The following NTRK2 variants were observed in gnomAD, a reference collection of about 807,000 sequenced individuals.
The protein encoded by NTRK2 is neurotrophic receptor tyrosine kinase 2.
A neutral mutation model predicts 94.5 loss-of-function variants in NTRK2; 13 were observed. The ratio of observed to expected loss-of-function variants is 0.14; its 90% confidence interval spans 0.09 to 0.22. The LOEUF is 0.22. NTRK2 is among the 10% of genes least tolerant of loss of function. NTRK2 has a pLI of 1.00. For missense variants in NTRK2, 639 were observed against 1,071.2 expected (o/e 0.60, Z 5.63); for synonymous variants, 372 against 407.4 (o/e 0.91, Z 1.05).
intron 12 of NTRK2, among the ~76,000 whole-genome samples, chr9:84,840,412 C>T (rs181052928): frequency 7.2e-4 from 110 of 152,076 alleles, no homozygotes; most frequent in African/African-American, 2.6e-3. Context: ...ACAAGCCTCC[C>T]CAGACCATAT....
At chr9:84,818,075 C>A (rs1395231461) in intron 12 of NTRK2, among the ~76,000 whole-genome samples, 1 of 152,160 alleles carries the variant, frequency 6.6e-6, no homozygotes, top group East Asian at 1.9e-4. Context: ...GTATTGACTT[C>A]AAACTTAAGT....
chr9:84,778,976 G>T (rs2067308508), intron 12 of NTRK2, among the ~76,000 whole-genome samples: 1 of 152,152 alleles, frequency 6.6e-6, no homozygotes. Flanking sequence ...TAACAGGCTG[G>T]TCTTTTCTTC....
chr9:84,705,782 CTTTTTTTTTTTT>C (rs36124860), intron 4 of NTRK2, among the ~76,000 whole-genome samples: 2 of 109,620 alleles, frequency 1.8e-5, no homozygotes, highest in African/African-American at 7.0e-5. Flanking sequence ...GAAACCCATT[CTTTTTTTTTTTT>C]TTTTTTTTTT....
chr9:84,838,216 CA>C lies in NTRK2; in HGVS notation c.1397-22823del, dbSNP rs2073983581. Among the ~76,000 whole-genome samples, 5 of 151,952 alleles carry C rather than the reference CA, an allele frequency of 3.3e-5. No homozygotes were observed. The South Asian group carries it at 1.0e-3, about 32-fold the overall frequency. ...AGGAAAACAACAACAGCAGCAGGAACAGCTATAGTACATCCAGAAGAAAATA... is the reference window on the plus strand; with the variant it reads ...AGGAAAACAACAACAGCAGCAGGAACGCTATAGTACATCCAGAAGAAAATA... On this transcript the variant is annotated intron_variant, in intron 12 of 18. Transcript: ENST00000277120.
At chr9:84,926,447 G>A (rs1174558708) in intron 14 of NTRK2, among the ~76,000 whole-genome samples, 4 of 151,872 alleles carry the variant, frequency 2.6e-5, no homozygotes, top group Non-Finnish European at 4.4e-5. Context: ...GGTCAGGCTG[G>A]TCTTGAACTC....
intron 12 of NTRK2, chr9:84,814,913 T>C: frequency 5.7e-6 from 6 of 1,060,294 alleles, no homozygotes; most frequent in Non-Finnish European, 6.8e-6. Context: ...CTATTAAGTG[T>C]GTTCTGCTAT....
At chr9:84,720,884 A>G (rs1422907306) in intron 6 of NTRK2, among the ~76,000 whole-genome samples, 1 of 152,212 alleles carries the variant, frequency 6.6e-6, no homozygotes, top group Non-Finnish European at 1.5e-5. Context: ...TTAAAGGTTA[A>G]TCTAAAAAAA....
chr9:85,004,083 G>A (rs13440095), intron 17 of NTRK2, among the ~76,000 whole-genome samples: 22,290 of 118,270 alleles, frequency 0.19, 3,085 homozygotes, highest in African/African-American at 0.34. Flanking sequence ...AGAGGAAGAG[G>A]GAGAGAGAAA....
intron 17 of NTRK2, among the ~76,000 whole-genome samples, chr9:84,960,722 T>G (rs1013192446): frequency 6.6e-6 from 1 of 152,196 alleles, no homozygotes; most frequent in Non-Finnish European, 1.5e-5. Context: ...AATATGTGAT[T>G]TTTCTATACT....
intron 14 of NTRK2, among the ~76,000 whole-genome samples, chr9:84,894,661 A>C (rs2076706460): frequency 6.6e-6 from 1 of 152,244 alleles, no homozygotes; most frequent in Admixed American, 6.5e-5. Context: ...GTTTGCCTAC[A>C]AAAATCTTAC....
intron 14 of NTRK2, among the ~76,000 whole-genome samples, chr9:84,889,493 A>C (rs1200746024): frequency 6.6e-6 from 1 of 151,980 alleles, no homozygotes; most frequent in East Asian, 1.9e-4. Context: ...GCTCTCTGCA[A>C]CCTCCACATC....
At chr9:84,723,519 G>A (rs554172946) in intron 6 of NTRK2, 54 bp from the exon 7 acceptor site, 2 of 1,598,058 alleles carry the variant, frequency 1.3e-6, no homozygotes, top group East Asian at 2.2e-5. Flanking sequence ...CTTTTATTTT[G>A]ATACTGCATT....
Position 84,670,839 on chromosome 9 carries a change from G to A in NTRK2, c.91G>A (p.Ala31Thr), listed in dbSNP as rs370304899. 2.5e-6 allele frequency: 4 copies of A among 1,613,926 alleles called. No individual in the cohort carries two copies. Among genetic ancestry groups the A allele is most frequent in the Non-Finnish European group, 3.4e-6 (4 of 1,180,034 alleles). The part of the protein sequence containing the change: ...LVVGFWRAAF[A>T]CPTSCKCSAS... ...TGTGGGCTTCTGGAGGGCCGCTTTC[G>A]CCTGTCCCACGTCCTGCAAATGCAG... Residue 31 changes from alanine to threonine, a missense_variant, in exon 2 of 19, where the codon GCC becomes ACC. Physicochemically the swap from Ala to Thr is moderately conservative, Grantham distance 58. Around this residue, in one of 5 missense-constraint regions of NTRK2, gnomAD observed 206 missense variants for 251.5 expected, o/e 0.82. Transcript: ENST00000277120.
At chr9:84,900,630 C>T (rs1026441936) in intron 14 of NTRK2, among the ~76,000 whole-genome samples, 63 of 152,096 alleles carry the variant, frequency 4.1e-4, no homozygotes, top group African/African-American at 1.5e-3. Flanking sequence ...CAGAGGCACG[C>T]CTTGTAAAAA....
rs201902834 is a variant in NTRK2, at chr9:85,021,294, C to T, written c.2374C>T (p.Arg792Cys). ...ITQGRVLQRP[R>C]TCPQEVYELM... ...TCAGGGCCGAGTCCTGCAGCGACCC[C>T]GCACGTGCCCCCAGGAGGTGTATGA... Residue 792 changes from arginine to cysteine, a missense_variant, in exon 19 of 19, where the codon CGC becomes TGC. Physicochemically the swap from Arg to Cys is radical, Grantham distance 180. This residue lies in a region of NTRK2 where 77 missense variants were observed against 203.6 expected (regional missense o/e 0.38). Transcript: ENST00000277120. The T allele has an allele frequency of 1.6e-5, 26 of 1,613,974 alleles. No individual in the cohort carries two copies. The highest frequency in any genetic ancestry group is 2.2e-5 in the East Asian group (1 of 44,874).
At chr9:84,733,791 A>G (rs1324308131) in intron 9 of NTRK2, among the ~76,000 whole-genome samples, 2 of 152,220 alleles carry the variant, frequency 1.3e-5, no homozygotes, top group Non-Finnish European at 2.9e-5. Context: ...GAGGACAAAG[A>G]CACCTCTTTA....
Position 85,026,105 on chromosome 9 carries a change from A to C in NTRK2, c.*4668A>C. The C allele has an allele frequency of 5.1e-6, 1 of 194,206 alleles. No individual in the cohort carries two copies. The highest frequency in any genetic ancestry group is 7.9e-5 in the Admixed American group (1 of 12,654). The allele number at this position is 194,206 out of a possible 1,614,324, so 12.0% of individuals were successfully genotyped here. On this transcript the variant is annotated 3_prime_UTR_variant, in exon 19 of 19. Coordinates refer to ENST00000277120, the MANE Select transcript of NTRK2 (RefSeq NM_006180.6). Reference sequence around the variant, plus strand: ...TTATTTATTTATATACTTTTGCTCCATTCAGCACAAACACAAAGCAAAGCA... The same window carrying C: ...TTATTTATTTATATACTTTTGCTCCCTTCAGCACAAACACAAAGCAAAGCA...
In NTRK2 at chr9:84,801,246, G is replaced by T. The variant is rs189007659; in HGVS notation, c.1396+49161G>T. On this transcript the variant is annotated intron_variant, in intron 12 of 18. Coordinates refer to ENST00000277120, the MANE Select transcript of NTRK2 (RefSeq NM_006180.6). The stretch of plus-strand genomic sequence containing the variant: ...ACATAGCTCAGGAGGGAAAGGGATA[G>T]GATCCAAACGGGTGTTTCTGGTTGT... Among the ~76,000 whole-genome samples the T allele has an allele frequency of 5.8e-3, 880 of 152,318 alleles. 6 individuals are homozygous for T. Among genetic ancestry groups the T allele is most frequent in the Non-Finnish European group, 9.6e-3 (651 of 68,026 alleles).
intron 6 of NTRK2, among the ~76,000 whole-genome samples, chr9:84,714,144 T>C (rs748040958): frequency 1.3e-5 from 2 of 152,198 alleles, no homozygotes; most frequent in South Asian, 4.1e-4. Flanking sequence ...TACTTAGCTT[T>C]TCAGCTGTTT....
Sources: gnomAD v4.1 joint callset for allele counts (sites outside exome capture counted in the v4.1 genomes callset) on GRCh38, gnomAD v4.1.1 for gene constraint, gnomAD v4.1.1 regional missense constraint, MANE v1.5 for transcripts, NCBI Gene and HGNC (gene_info 2026-07-23, HGNC 2026-07-21) for gene names.